ZFHX3: variants seen among roughly 807,000 people sequenced by gnomAD.
ZFHX3 encodes the protein zinc finger homeobox 3.
A neutral mutation model predicts 279.1 loss-of-function variants in ZFHX3; 42 were observed. The observed-to-expected ratio is 0.15, with a 90% CI of 0.12 to 0.19. The LOEUF is 0.19. Ranked by LOEUF, ZFHX3 falls within the 10% of genes least tolerant of loss-of-function variation. The pLI is 1.00. For synonymous variants in ZFHX3, 2,293 were observed against 1,957.8 expected (o/e 1.17, Z -4.52); for missense variants, 4,981 against 4,754.0 (o/e 1.05, Z -1.40).
At chr16:73,861,071 C>A (rs969320648) in intron 1 of ZFHX3, among the ~76,000 whole-genome samples, 2 of 150,268 alleles carry the variant, frequency 1.3e-5, no homozygotes, top group South Asian at 2.1e-4. Context: ...TCAAGTAATT[C>A]GCCCACCTCA....
chr16:73,490,601 G>A (rs2019043176), intron 2 of ZFHX3, among the ~76,000 whole-genome samples: 1 of 152,146 alleles, frequency 6.6e-6, no homozygotes, highest in South Asian at 2.1e-4. Context: ...ACTTTGGGAG[G>A]TTGAGGCAGG....
chr16:73,338,577 G>T (rs764842911), intron 3 of ZFHX3, among the ~76,000 whole-genome samples: 11 of 151,920 alleles, frequency 7.2e-5, no homozygotes, highest in African/African-American at 2.7e-4. Flanking sequence ...AAATATGATC[G>T]ATTCGATGGA....
At chr16:73,160,791 TA>T (rs1967215087) in intron 5 of ZFHX3, among the ~76,000 whole-genome samples, 2 of 150,900 alleles carry the variant, frequency 1.3e-5, no homozygotes. Flanking sequence ...TTTTTTTTTT[TA>T]GACAGGATTT....
At chr16:72,827,856 A>C in intron 5 of ZFHX3, among the ~76,000 whole-genome samples, 1 of 152,262 alleles carries the variant, frequency 6.6e-6, no homozygotes, top group African/African-American at 2.4e-5. Flanking sequence ...GGACAGTAGA[A>C]TCCACCTGGT....
chr16:72,927,793 T>C (rs954176698), intron 3 of ZFHX3, among the ~76,000 whole-genome samples: 2 of 151,958 alleles, frequency 1.3e-5, no homozygotes, highest in Non-Finnish European at 2.9e-5. Flanking sequence ...GAGTGTACAC[T>C]AACCACAAGC....
chr16:73,603,141 C>T (rs1186964374), intron 2 of ZFHX3, among the ~76,000 whole-genome samples: 8 of 151,584 alleles, frequency 5.3e-5, no homozygotes, highest in Non-Finnish European at 8.8e-5. Flanking sequence ...AAAAATTAGC[C>T]GGGCGCAGTG....
Position 72,957,807 on chromosome 16 carries a change from G to GCCGCAGCCA in ZFHX3, c.2330_2338dup (p.Val777_Ala779dup). The GCCGCAGCCA allele has an allele frequency of 6.3e-7, 1 of 1,590,328 alleles. No homozygotes were observed. Among genetic ancestry groups the GCCGCAGCCA allele is most frequent in the Non-Finnish European group, 8.6e-7 (1 of 1,163,090 alleles). ...GCTACTGATATTGGCTGCCGCCGCC[G>GCCGCAGCCA]CCGCAGCCACCGCCGCCGCCGCCGC... is the stretch of plus-strand genomic sequence containing the variant. On this transcript the variant is annotated inframe_insertion, in exon 2 of 10. Coordinates refer to ENST00000268489, the MANE Select transcript of ZFHX3 (RefSeq NM_006885.4).
At chr16:73,136,522 G>A (rs1165161671) in intron 6 of ZFHX3, among the ~76,000 whole-genome samples, 6 of 151,928 alleles carry the variant, frequency 3.9e-5, no homozygotes, top group South Asian at 2.1e-4. Flanking sequence ...TCAGGAGTTC[G>A]AGACCAGCCT....
chr16:73,529,991 A>T (rs561767108), intron 2 of ZFHX3, among the ~76,000 whole-genome samples: 7 of 152,202 alleles, frequency 4.6e-5, no homozygotes, highest in Middle Eastern at 3.4e-3. Context: ...GTTGAAATGT[A>T]TCGCTTGTGT....
At chr16:73,613,098 T>G (rs1435621496) in intron 2 of ZFHX3, among the ~76,000 whole-genome samples, 1 of 152,198 alleles carries the variant, frequency 6.6e-6, no homozygotes, top group Non-Finnish European at 1.5e-5. Context: ...GAAAGCAAGT[T>G]TTTATTTATA....
chr16:73,029,783 G>C (rs973263690), intron 1 of ZFHX3, among the ~76,000 whole-genome samples: 2 of 152,222 alleles, frequency 1.3e-5, no homozygotes, highest in African/African-American at 4.8e-5. Context: ...GCCAACGACA[G>C]AGAGGCTGGC....
intron 5 of ZFHX3, among the ~76,000 whole-genome samples, chr16:73,234,242 G>A (rs1054218625): frequency 1.3e-5 from 2 of 152,168 alleles, no homozygotes; most frequent in East Asian, 1.9e-4. Flanking sequence ...TGTGGCTGTG[G>A]AGGGCCTATA....
At chr16:73,090,210 A>G (rs749466916) in intron 8 of ZFHX3, among the ~76,000 whole-genome samples, 5 of 152,106 alleles carry the variant, frequency 3.3e-5, no homozygotes, top group Non-Finnish European at 7.4e-5. Context: ...CCTCTGCAAC[A>G]TGGGGAAACC....
At chr16:73,566,398 G>A (rs2020451333) in intron 2 of ZFHX3, among the ~76,000 whole-genome samples, 1 of 152,204 alleles carries the variant, frequency 6.6e-6, no homozygotes, top group Non-Finnish European at 1.5e-5. Flanking sequence ...GATAGTTCTG[G>A]AAGGCAGAAG....
intron 2 of ZFHX3, among the ~76,000 whole-genome samples, chr16:73,515,798 T>G (rs910404885): frequency 6.6e-6 from 1 of 152,204 alleles, no homozygotes; most frequent in Non-Finnish European, 1.5e-5. Context: ...CGTATCTATA[T>G]CTCACCATTT....
intron 1 of ZFHX3, among the ~76,000 whole-genome samples, chr16:72,967,645 G>A (rs1399844099): frequency 1.3e-5 from 2 of 151,974 alleles, no homozygotes; most frequent in African/African-American, 2.4e-5. Context: ...TTCCGGGAGC[G>A]GTGGCTCACG....
chr16:73,431,803 C>A (rs544014013), intron 3 of ZFHX3, among the ~76,000 whole-genome samples: 1 of 152,168 alleles, frequency 6.6e-6, no homozygotes, highest in South Asian at 2.1e-4. Context: ...AATCCTCAAA[C>A]CAAGTGTAAG....
chr16:73,201,422 T>C (rs544029723), intron 5 of ZFHX3, among the ~76,000 whole-genome samples: 1 of 152,350 alleles, frequency 6.6e-6, no homozygotes, highest in African/African-American at 2.4e-5. Flanking sequence ...ATTAAAACAC[T>C]GCCATTTTTA....
At chr16:72,898,221 T>A (rs2038946337) in intron 3 of ZFHX3, among the ~76,000 whole-genome samples, 1 of 152,188 alleles carries the variant, frequency 6.6e-6, no homozygotes, top group Admixed American at 6.5e-5. Context: ...CATTGTAGGA[T>A]CCCTGCAGAC....
Sources: gnomAD v4.1 joint callset for allele counts (sites outside exome capture counted in the v4.1 genomes callset) on GRCh38, gnomAD v4.1.1 for gene constraint, MANE v1.5 for transcripts, NCBI Gene and HGNC (gene_info 2026-07-23, HGNC 2026-07-21) for gene names.